PDZRN4: variants seen among roughly 807,000 people sequenced by gnomAD.
PDZRN4 encodes the protein PDZ domain containing ring finger 4, also known as PDZ domain-containing RING finger protein 4.
PDZRN4 carries 70 observed loss-of-function variants against 99.0 expected under a neutral mutation model. The ratio of observed to expected loss-of-function variants is 0.71; its 90% CI spans 0.58 to 0.86. The LOEUF (loss-of-function observed/expected upper bound fraction) is 0.86, where lower values mean the gene tolerates loss of function less well. Among genes scored for constraint, PDZRN4 ranks in the 40% least tolerant of loss-of-function variants. PDZRN4 has a pLI of 0.00. For synonymous variants in PDZRN4, 551 were observed against 501.6 expected (o/e 1.10, Z -1.32); for missense variants, 1,474 against 1,331.2 (o/e 1.11, Z -1.67).
At chr12:41,216,097 A>T (rs1950919388) in intron 3 of PDZRN4, among the ~76,000 whole-genome samples, 2 of 151,984 alleles carry the variant, frequency 1.3e-5, no homozygotes, top group Non-Finnish European at 2.9e-5. Context: ...AGCAAATTTA[A>T]TTATGTTAAA....
At chr12:41,433,730 G>A (rs1370327732) in intron 3 of PDZRN4, among the ~76,000 whole-genome samples, 1 of 152,136 alleles carries the variant, frequency 6.6e-6, no homozygotes, top group Non-Finnish European at 1.5e-5. Context: ...AGGCTCAATG[G>A]GATTGGTGAT....
chr12:41,570,229 T>G (rs920645258), intron 9 of PDZRN4, among the ~76,000 whole-genome samples: 2 of 152,164 alleles, frequency 1.3e-5, no homozygotes, highest in Non-Finnish European at 2.9e-5. Context: ...ACAGAAACCT[T>G]TAAAAGTCCT....
chr12:41,246,802 A>T (rs938742582), intron 3 of PDZRN4, among the ~76,000 whole-genome samples: 39 of 152,320 alleles, frequency 2.6e-4, no homozygotes, highest in African/African-American at 9.1e-4. Flanking sequence ...GCCACCGGAC[A>T]TGAAATACAG....
chr12:41,288,799 G>T (rs1347843971), intron 3 of PDZRN4, among the ~76,000 whole-genome samples: 1 of 152,054 alleles, frequency 6.6e-6, no homozygotes, highest in Non-Finnish European at 1.5e-5. Flanking sequence ...TAAATTGATT[G>T]TGTAGGATTT....
At chr12:41,552,865 A>G in intron 6 of PDZRN4, 111 bp downstream of exon 6, 1 of 776,500 alleles carries the variant, frequency 1.3e-6, no homozygotes, top group East Asian at 2.7e-5. Context: ...GAAGAATTGG[A>G]GTTGGCCATG....
intron 3 of PDZRN4, among the ~76,000 whole-genome samples, chr12:41,421,543 C>A (rs1952490793): frequency 6.6e-6 from 1 of 152,102 alleles, no homozygotes; most frequent in Non-Finnish European, 1.5e-5. Context: ...TAAATGTTGG[C>A]ACTCTCTTAC....
At chr12:41,469,540 GT>G (rs1341020583) in intron 3 of PDZRN4, among the ~76,000 whole-genome samples, 1 of 152,078 alleles carries the variant, frequency 6.6e-6, no homozygotes, top group Non-Finnish European at 1.5e-5. Context: ...ATTTTTTGAG[GT>G]TTTTTTCTTT....
chr12:41,191,930 C>T (rs2116134), intron 2 of PDZRN4, among the ~76,000 whole-genome samples: 97,061 of 150,828 alleles, frequency 0.64, 31,315 homozygotes, highest in South Asian at 0.7. Flanking sequence ...TTACAGGCTC[C>T]TGCCACCACA....
chr12:41,373,823 T>C (rs1343940930), intron 3 of PDZRN4, among the ~76,000 whole-genome samples: 1 of 152,138 alleles, frequency 6.6e-6, no homozygotes, highest in East Asian at 1.9e-4. Context: ...ATCTTCACAG[T>C]TTATGTTCAG....
intron 5 of PDZRN4, among the ~76,000 whole-genome samples, chr12:41,534,183 A>G (rs1184441296): frequency 1.3e-5 from 2 of 152,162 alleles, no homozygotes. Context: ...AAGTTGCTAT[A>G]TACATTCCAG....
chr12:41,396,312 T>C (rs1442452033), intron 3 of PDZRN4, among the ~76,000 whole-genome samples: 1 of 152,140 alleles, frequency 6.6e-6, no homozygotes, highest in Non-Finnish European at 1.5e-5. Context: ...AGACAGTTTC[T>C]TCAAGGCATG....
chr12:41,552,596 C>A (rs1164724321), intron 5 of PDZRN4, 60 bp from the exon 6 acceptor site: 1 of 1,283,438 alleles, frequency 7.8e-7, no homozygotes, highest in African/African-American at 1.5e-5. Context: ...AGTGAGTTCT[C>A]CATTCTGTTG....
chr12:41,270,880 A>G (rs1951310564), intron 3 of PDZRN4, among the ~76,000 whole-genome samples: 1 of 152,134 alleles, frequency 6.6e-6, no homozygotes, highest in Non-Finnish European at 1.5e-5. Flanking sequence ...TTTAATGAGA[A>G]GTGCTCTTTC....
At chr12:41,564,583 T>C (rs1462617380) in intron 8 of PDZRN4, among the ~76,000 whole-genome samples, 1 of 152,184 alleles carries the variant, frequency 6.6e-6, no homozygotes, top group Non-Finnish European at 1.5e-5. Context: ...GACTGAATCC[T>C]GACTTGAATA....
chr12:41,403,171 A>G (rs1205318987), intron 3 of PDZRN4, among the ~76,000 whole-genome samples: 2 of 152,146 alleles, frequency 1.3e-5, no homozygotes, highest in Non-Finnish European at 2.9e-5. Flanking sequence ...TGTGATGAGA[A>G]CTTGTGATTC....
At chr12:41,250,933 A>G (rs527989627) in intron 3 of PDZRN4, among the ~76,000 whole-genome samples, 45 of 152,184 alleles carry the variant, frequency 3.0e-4, no homozygotes, top group African/African-American at 9.9e-4. Flanking sequence ...AACTGCTTTC[A>G]CTCTTGACTG....
At position 41,265,740 on chromosome 12, in the gene PDZRN4, T is replaced by C. The variant is rs934535461; in HGVS notation, c.843+71552T>C. Among the ~76,000 whole-genome samples, 6 of 152,204 alleles carry C rather than the reference T, an allele frequency of 3.9e-5. 1 individual carries two copies. The highest frequency in any genetic ancestry group is 3.3e-4 in the Admixed American group (5 of 15,284). Reference sequence around the variant, plus strand: ...ACTTGTACTTAGTTATTTCATTGCATCATATTTTTAACTTAAATCAATGTA... The same window carrying C: ...ACTTGTACTTAGTTATTTCATTGCACCATATTTTTAACTTAAATCAATGTA... On this transcript the variant is annotated intron_variant, in intron 3 of 9. Transcript: ENST00000402685.
At chr12:41,559,469 GACCACA>G (rs1439965955) in intron 7 of PDZRN4, among the ~76,000 whole-genome samples, 26 of 152,248 alleles carry the variant, frequency 1.7e-4, no homozygotes, top group African/African-American at 6.0e-4. Flanking sequence ...AAGAGTAAAA[GACCACA>G]TATATGACCA....
chr12:41,269,910 G>A (rs769543594), intron 3 of PDZRN4, among the ~76,000 whole-genome samples: 19 of 152,078 alleles, frequency 1.2e-4, no homozygotes, highest in Non-Finnish European at 2.4e-4. Context: ...ACACACACAC[G>A]ATATTGCTAA....
Sources: gnomAD v4.1 joint callset for allele counts (sites outside exome capture counted in the v4.1 genomes callset) on GRCh38, gnomAD v4.1.1 for gene constraint, MANE v1.5 for transcripts, NCBI Gene and HGNC (gene_info 2026-07-23, HGNC 2026-07-21) for gene names.